Variants in PLCB1 observed in about 807,000 individuals in gnomAD.
PLCB1 encodes the protein phospholipase C beta 1.
PLCB1 carries 46 observed loss-of-function variants against 161.8 expected under a neutral mutation model. The observed-to-expected ratio is 0.28, with a 90% CI of 0.22 to 0.36. The LOEUF (loss-of-function observed/expected upper bound fraction) is 0.36. Among genes scored for constraint, PLCB1 ranks in the 10% least tolerant of loss-of-function variants. The pLI is 1.00. For missense variants in PLCB1, 1,016 were observed against 1,472.5 expected (o/e 0.69, Z 5.07); for synonymous variants, 517 against 503.7 (o/e 1.03, Z -0.35).
At chr20:8,796,454 A>G (rs923772793) in intron 31 of PLCB1, among the ~76,000 whole-genome samples, 3 of 152,160 alleles carry the variant, frequency 2.0e-5, no homozygotes, top group African/African-American at 7.2e-5. Context: ...GCCTCCTCTA[A>G]TCTTTTGCGG....
intron 2 of PLCB1, among the ~76,000 whole-genome samples, chr20:8,203,712 G>C (rs1978367671): frequency 6.6e-6 from 1 of 152,160 alleles, no homozygotes; most frequent in Non-Finnish European, 1.5e-5. Context: ...GAGATGCAGG[G>C]AGAAAACTTG....
chr20:8,376,915 G>A (rs896213337), intron 3 of PLCB1, among the ~76,000 whole-genome samples: 4 of 151,200 alleles, frequency 2.6e-5, no homozygotes, highest in South Asian at 2.1e-4. Context: ...GCGACAGAGC[G>A]AGACTCCATC....
At chr20:8,855,210 A>C (rs1300684998) in intron 31 of PLCB1, among the ~76,000 whole-genome samples, 3 of 145,592 alleles carry the variant, frequency 2.1e-5, no homozygotes, top group Non-Finnish European at 4.6e-5. Context: ...GGGAGAGCAG[A>C]TTCTTCCCCC....
chr20:8,552,140 T>C (rs902439401), intron 3 of PLCB1, among the ~76,000 whole-genome samples: 2 of 152,216 alleles, frequency 1.3e-5, no homozygotes, highest in Non-Finnish European at 2.9e-5. Flanking sequence ...CTAAAGTTTA[T>C]TACTTGCCAC....
chr20:8,134,862 C>CT (rs200016924), intron 1 of PLCB1, among the ~76,000 whole-genome samples: 97 of 146,072 alleles, frequency 6.6e-4, no homozygotes, highest in African/African-American at 1.7e-3. Context: ...AATTTCAGGT[C>CT]TTTTTTAAAA....
intron 31 of PLCB1, among the ~76,000 whole-genome samples, chr20:8,880,146 C>T (rs890231739): frequency 6.6e-5 from 10 of 152,122 alleles, no homozygotes; most frequent in African/African-American, 2.4e-4. Context: ...AAAATTGCCT[C>T]CAAGCTAATA....
In PLCB1 at chr20:8,230,302, TG is replaced by T. The variant is rs1459837763; in HGVS notation, c.177+79934del. Among the ~76,000 whole-genome samples, 26 of 152,240 alleles carry T rather than the reference TG, an allele frequency of 1.7e-4. No homozygotes were observed. The South Asian group carries it at 2.9e-3, about 17-fold the overall frequency. ...TACATATTTGGGATACATGTGGTTA[TG>T]GGATACACCTGATCTTTTGGTACAT... On this transcript the variant is annotated intron_variant, in intron 2 of 31. Transcript: ENST00000338037.
chr20:8,572,371 T>C (rs1378602044), intron 3 of PLCB1, among the ~76,000 whole-genome samples: 1 of 152,252 alleles, frequency 6.6e-6, no homozygotes, highest in Non-Finnish European at 1.5e-5. Context: ...TATGTCATTA[T>C]ATTCAGTGTA....
intron 2 of PLCB1, among the ~76,000 whole-genome samples, chr20:8,240,143 T>G (rs187360900): frequency 6.6e-6 from 1 of 151,714 alleles, no homozygotes; most frequent in Admixed American, 6.6e-5. Flanking sequence ...TAATCTATGA[T>G]TTTTTTTCAT....
chr20:8,650,310 A>G (rs574655556), intron 7 of PLCB1, among the ~76,000 whole-genome samples: 6 of 152,298 alleles, frequency 3.9e-5, no homozygotes, highest in Non-Finnish European at 5.9e-5. Flanking sequence ...AGATATGTCC[A>G]TGTCAGTTTA....
At chr20:8,700,369 A>ATATT (rs1393474546) in intron 11 of PLCB1, among the ~76,000 whole-genome samples, 1 of 152,214 alleles carries the variant, frequency 6.6e-6, no homozygotes, top group East Asian at 1.9e-4. Context: ...ATCCTAAGGC[A>ATATT]TATTTATTTT....
At chr20:8,707,769 T>C (rs1978769139) in intron 11 of PLCB1, among the ~76,000 whole-genome samples, 1 of 152,184 alleles carries the variant, frequency 6.6e-6, no homozygotes, top group Admixed American at 6.5e-5. Context: ...GTTAAATCAA[T>C]TTTAATACCT....
At chr20:8,238,871 G>GT (rs11378269) in intron 2 of PLCB1, among the ~76,000 whole-genome samples, 8,784 of 151,732 alleles carry the variant, frequency 0.058, 325 homozygotes, top group South Asian at 0.11. Context: ...GTGGCTGGGG[G>GT]GAAGACATCA....
chr20:8,780,808 A>T (rs982098841), intron 27 of PLCB1, among the ~76,000 whole-genome samples: 4 of 152,168 alleles, frequency 2.6e-5, no homozygotes, highest in Admixed American at 2.0e-4. Flanking sequence ...TCACTGCATG[A>T]CCACCTGAAT....
intron 4 of PLCB1, among the ~76,000 whole-genome samples, chr20:8,638,996 GC>G (rs1304787257): frequency 7.0e-6 from 1 of 142,770 alleles, no homozygotes; most frequent in African/African-American, 2.7e-5. Context: ...TTCTCATGTA[GC>G]CGGAACCCTG....
At chr20:8,277,282 C>T (rs1026717957) in intron 2 of PLCB1, among the ~76,000 whole-genome samples, 13 of 151,830 alleles carry the variant, frequency 8.6e-5, no homozygotes, top group Non-Finnish European at 2.9e-5. Flanking sequence ...CCCATCATAC[C>T]AAGCCATGTA....
chr20:8,754,013 G>C (rs1340823657), intron 23 of PLCB1, among the ~76,000 whole-genome samples: 1 of 152,160 alleles, frequency 6.6e-6, no homozygotes, highest in Non-Finnish European at 1.5e-5. Context: ...ACATCACCAG[G>C]TGTGACCCCT....
In PLCB1 at chr20:8,882,528, A is replaced by G. The variant is rs969254834; in HGVS notation, c.*679A>G. 1.3e-5 allele frequency: 2 copies of G among 153,150 alleles called. No homozygotes were observed. The highest frequency in any genetic ancestry group is 4.8e-5 in the African/African-American group (2 of 41,566). The allele number at this position is 153,150 out of a possible 1,614,324, so 9.5% of individuals were successfully genotyped here. A position where few individuals can be genotyped will look rare whatever the true frequency, so the allele number is the denominator to read the frequency against. Reference sequence around the variant, plus strand: ...CAGTGAAGCCATCCTAAGACTTAGCAATATGGATTGTACATTTGGCTGCAT... The same window carrying G: ...CAGTGAAGCCATCCTAAGACTTAGCGATATGGATTGTACATTTGGCTGCAT... On this transcript the variant is annotated 3_prime_UTR_variant, in exon 32 of 32. Transcript: ENST00000338037.
At chr20:8,299,345 T>TA (rs1983787655) in intron 2 of PLCB1, among the ~76,000 whole-genome samples, 1 of 152,114 alleles carries the variant, frequency 6.6e-6, no homozygotes, top group Admixed American at 6.6e-5. Context: ...GAATGCACAA[T>TA]AAAATCTACA....
Sources: allele counts gnomAD v4.1 joint callset (sites outside exome capture counted in the v4.1 genomes callset), GRCh38; gene constraint gnomAD v4.1.1; transcripts MANE v1.5; gene names NCBI Gene and HGNC (gene_info 2026-07-23, HGNC 2026-07-21).